RBFOX1: variants seen among roughly 807,000 people sequenced by gnomAD.
RBFOX1 encodes RNA binding fox-1 homolog 1, also known as RNA binding protein fox-1 homolog 1.
RBFOX1 carries 8 observed loss-of-function variants against 57.7 expected under a neutral mutation model. That is an observed-to-expected ratio of 0.14 (90% CI 0.08 to 0.25). RBFOX1 has a LOEUF of 0.25. Among genes scored for constraint, RBFOX1 ranks in the 10% least tolerant of loss-of-function variants. RBFOX1 has a pLI of 1.00. For missense variants in RBFOX1, 611 were observed against 548.5 expected, an observed-to-expected ratio of 1.11 and a Z score of -1.14; for synonymous variants, 326 against 222.4, an observed-to-expected ratio of 1.47 and a Z score of -4.15.
intron 3 of RBFOX1, among the ~76,000 whole-genome samples, chr16:5,802,288 G>T (rs889462018): frequency 1.3e-5 from 2 of 152,072 alleles, no homozygotes; most frequent in African/African-American, 4.8e-5. Flanking sequence ...TCCCCCTTTA[G>T]ATACAAAAGG....
intron 4 of RBFOX1, among the ~76,000 whole-genome samples, chr16:7,504,469 T>C (rs1486629314): frequency 6.6e-6 from 1 of 151,334 alleles, no homozygotes; most frequent in Non-Finnish European, 1.5e-5. Flanking sequence ...TGTCAGAATG[T>C]CTCAAAAATA....
chr16:7,229,065 A>C (rs538036008), intron 4 of RBFOX1, among the ~76,000 whole-genome samples: 2 of 150,084 alleles, frequency 1.3e-5, no homozygotes, highest in East Asian at 3.9e-4. Context: ...AAAATGGTTA[A>C]TAGACTCAAG....
intron 2 of RBFOX1, among the ~76,000 whole-genome samples, chr16:6,462,276 A>G (rs1348828963): frequency 6.6e-6 from 1 of 152,152 alleles, no homozygotes; most frequent in Non-Finnish European, 1.5e-5. Context: ...AGCCTGATGC[A>G]TGCTCTTCTG....
At chr16:6,543,622 C>T (rs1326063836) in intron 2 of RBFOX1, among the ~76,000 whole-genome samples, 1 of 152,008 alleles carries the variant, frequency 6.6e-6, no homozygotes, top group Admixed American at 6.6e-5. Flanking sequence ...ACTTAGATGC[C>T]CTCCCGGTCT....
intron 3 of RBFOX1, among the ~76,000 whole-genome samples, chr16:6,922,032 C>A (rs1185203413): frequency 6.6e-6 from 1 of 152,152 alleles, no homozygotes; most frequent in African/African-American, 2.4e-5. Context: ...ATGTATATAA[C>A]TGCTGTTACC....
intron 9 of RBFOX1, among the ~76,000 whole-genome samples, chr16:7,605,913 A>G (rs1052363894): frequency 6.6e-6 from 1 of 152,008 alleles, no homozygotes; most frequent in Admixed American, 6.6e-5. Flanking sequence ...ATCTTGGCTC[A>G]CTGCAACCTC....
chr16:7,149,550 A>G (rs567581773), intron 4 of RBFOX1, among the ~76,000 whole-genome samples: 6 of 142,508 alleles, frequency 4.2e-5, no homozygotes, highest in East Asian at 2.1e-4. Context: ...CAGTGGTGCA[A>G]TCTCAGCTCA....
intron 2 of RBFOX1, among the ~76,000 whole-genome samples, chr16:5,519,023 C>T (rs1014407956): frequency 2.0e-5 from 3 of 152,146 alleles, no homozygotes; most frequent in Non-Finnish European, 4.4e-5. Context: ...GAGATGAGAA[C>T]ACGAATGTAC....
chr16:6,437,444 C>G (rs2094267024), intron 2 of RBFOX1, among the ~76,000 whole-genome samples: 1 of 152,134 alleles, frequency 6.6e-6, no homozygotes, highest in African/African-American at 2.4e-5. Context: ...TGGTCAGTGT[C>G]TTCAGCACCT....
chr16:6,226,585 G>A (rs9924402), intron 1 of RBFOX1, among the ~76,000 whole-genome samples: 3,295 of 152,074 alleles, frequency 0.022, 111 homozygotes, highest in African/African-American at 0.072. Flanking sequence ...ATATATTATG[G>A]ATAGTGATAT....
chr16:7,105,696 A>G (rs9673633), intron 4 of RBFOX1, among the ~76,000 whole-genome samples: 3 of 151,670 alleles, frequency 2.0e-5, no homozygotes, highest in African/African-American at 4.8e-5. Context: ...CTATCTCTCT[A>G]TATATATCTA....
chr16:6,550,883 A>C (rs1381968167), intron 2 of RBFOX1, among the ~76,000 whole-genome samples: 1 of 152,196 alleles, frequency 6.6e-6, no homozygotes, highest in African/African-American at 2.4e-5. Flanking sequence ...AGTTCTTCCC[A>C]GACAAGTCTA....
chr16:6,965,090 C>G (rs1235833708), intron 3 of RBFOX1, among the ~76,000 whole-genome samples: 2 of 151,932 alleles, frequency 1.3e-5, no homozygotes, highest in Non-Finnish European at 1.5e-5. Context: ...TAGCTTCTTC[C>G]TAGGTCATGA....
chr16:7,081,668 G>C (rs1232676377), intron 4 of RBFOX1, among the ~76,000 whole-genome samples: 1 of 152,262 alleles, frequency 6.6e-6, no homozygotes, highest in African/African-American at 2.4e-5. Flanking sequence ...GGGTAGTCAA[G>C]TGATAGTTTT....
At chr16:5,403,892 G>T (rs1045665348) in intron 1 of RBFOX1, among the ~76,000 whole-genome samples, 1 of 152,098 alleles carries the variant, frequency 6.6e-6, no homozygotes, top group Non-Finnish European at 1.5e-5. Flanking sequence ...TAGTCATAAG[G>T]GAAAGAGTAA....
At chr16:5,792,256 C>G (rs961850261) in intron 3 of RBFOX1, among the ~76,000 whole-genome samples, 5 of 152,264 alleles carry the variant, frequency 3.3e-5, no homozygotes, top group African/African-American at 9.6e-5. Context: ...GTTGTTATTC[C>G]TGTTCCAGCC....
At position 5,986,524 on chromosome 16, in the gene RBFOX1, C is replaced by A. The variant is rs2060289702; in HGVS notation, c.351+119189C>A. Among the ~76,000 whole-genome samples the A allele has an allele frequency of 2.0e-5, 3 of 152,170 alleles. No homozygotes were observed. The South Asian group carries it at 6.2e-4, about 31-fold the overall frequency. ...CATTACTGTAAGTGTCCCTTTCATA[C>A]CCACATTCACCTCCCTCTCACCCCT... On this transcript the variant is annotated intron_variant, in intron 4 of 19. Transcript: ENST00000641259.
At chr16:6,888,194 A>T (rs1471350712) in intron 3 of RBFOX1, among the ~76,000 whole-genome samples, 1 of 152,178 alleles carries the variant, frequency 6.6e-6, no homozygotes. Context: ...TTATTTCTTT[A>T]CCCAAAAAAT....
chr16:6,844,957 T>C (rs1442778828), intron 3 of RBFOX1, among the ~76,000 whole-genome samples: 1 of 152,190 alleles, frequency 6.6e-6, no homozygotes, highest in African/African-American at 2.4e-5. Context: ...TTTTTTCCTA[T>C]GTTTGTTGGC....
Sources: allele counts gnomAD v4.1 joint callset (sites outside exome capture counted in the v4.1 genomes callset), GRCh38; gene constraint gnomAD v4.1.1; transcripts MANE v1.5; gene names NCBI Gene and HGNC (gene_info 2026-07-23, HGNC 2026-07-21).